MXD1: variants seen among roughly 807,000 people sequenced by gnomAD.
The protein encoded by MXD1 is MAX-binding protein.
A neutral mutation model predicts 25.7 loss-of-function variants in MXD1; 9 were observed. The observed-to-expected ratio is 0.35, with a 90% CI of 0.21 to 0.61. The LOEUF (loss-of-function observed/expected upper bound fraction) is 0.61. Ranked by LOEUF, MXD1 falls within the 20% of genes least tolerant of loss-of-function variation. The pLI is 0.75. For synonymous variants in MXD1, 99 were observed against 113.9 expected (o/e 0.87, Z 0.83); for missense variants, 227 against 292.4 (o/e 0.78, Z 1.63).
At position 69,938,232 on chromosome 2, in the gene MXD1, G is replaced by C. The variant is rs776858613; in HGVS notation, c.614G>C (p.Ser205Thr). The change falls in exon 6 of 6, where the codon AGC (serine) becomes ACC (threonine). Residue 205 changes from serine (S) to threonine (T), a missense_variant. Coordinates refer to ENST00000264444, the MANE Select transcript of MXD1 (RefSeq NM_002357.4). The part of the protein sequence containing the change: ...LGSDEGYSST[S>T]IKRIKLQDSH... ...AGTGATGAGGGCTATTCCAGCACCA[G>C]CATCAAGAGAATAAAGCTGCAGGAC... 1.1e-5 allele frequency: 18 copies of C among 1,614,084 alleles called. No homozygotes were observed. The highest frequency in any genetic ancestry group is 1.5e-5 in the Non-Finnish European group (18 of 1,180,050).
intron 3 of MXD1, among the ~76,000 whole-genome samples, chr2:69,926,951 C>T (rs553954573): frequency 6.6e-6 from 1 of 152,316 alleles, no homozygotes; most frequent in South Asian, 2.1e-4. Flanking sequence ...GGTACATATG[C>T]AGCTCTTGCT....
chr2:69,937,024 G>C (rs1252021649), intron 4 of MXD1: 1 of 690,056 alleles, frequency 1.4e-6, no homozygotes, highest in South Asian at 1.5e-5. Context: ...GACAGGACAA[G>C]TACCCCCAGC....
Position 69,940,227 on chromosome 2 carries a change from C to A in MXD1, c.*1943C>A, listed in dbSNP as rs1239413202. 6.6e-6 allele frequency: 1 copy of A among 150,754 alleles called. No homozygotes were observed. Among genetic ancestry groups the A allele is most frequent in the Admixed American group, 6.6e-5 (1 of 15,102 alleles). The allele number at this position is 150,754 out of a possible 1,614,324, so 9.3% of individuals were successfully genotyped here. A position where few individuals can be genotyped will look rare whatever the true frequency, so the allele number is the denominator to read the frequency against. ...TTGCACTGAAATACAACTTGTATGC[C>A]TTTTGCATTTTTAAAGCCTGCTTCC... On this transcript the variant is annotated 3_prime_UTR_variant, in exon 6 of 6. Transcript: ENST00000264444.
At chr2:69,923,059 A>C (rs1210893642) in intron 3 of MXD1, among the ~76,000 whole-genome samples, 4 of 151,076 alleles carry the variant, frequency 2.6e-5, no homozygotes, top group African/African-American at 4.9e-5. Context: ...AAAAAAACAC[A>C]CAAAACACCC....
At position 69,926,338 on chromosome 2, in the gene MXD1, CT is replaced by C. The variant is rs982138907; in HGVS notation, c.203+4584del. Among the ~76,000 whole-genome samples the C allele has an allele frequency of 6.0e-3, 872 of 146,302 alleles. 7 individuals carry two copies. The highest frequency in any genetic ancestry group is 0.018 in the African/African-American group (717 of 40,196). ...TGCCAATATATACCCTTTCATTCTC[CT>C]TTTTTTTTTTCCATGCCCTTATCTA... On this transcript the variant is annotated intron_variant, in intron 3 of 5. Coordinates refer to ENST00000264444, the MANE Select transcript of MXD1 (RefSeq NM_002357.4).
intron 3 of MXD1, among the ~76,000 whole-genome samples, chr2:69,931,720 C>T (rs1220737099): frequency 6.6e-6 from 1 of 152,150 alleles, no homozygotes; most frequent in East Asian, 1.9e-4. Flanking sequence ...AGTTATGGGC[C>T]ATACTTGATT....
At chr2:69,923,289 A>T (rs1297630600) in intron 3 of MXD1, among the ~76,000 whole-genome samples, 1 of 152,212 alleles carries the variant, frequency 6.6e-6, no homozygotes, top group Non-Finnish European at 1.5e-5. Context: ...GCGGAGAACC[A>T]TTGAACTAGC....
In MXD1 at chr2:69,938,343, A is replaced by G; in HGVS notation, c.*59A>G. ...TCTCCCTGTTGGTTCTGATTAGGTA[A>G]CGTATTGGACCTGCCCACAACTCCC... On this transcript the variant is annotated 3_prime_UTR_variant, in exon 6 of 6. Transcript: ENST00000264444. 5 of 1,559,184 alleles carry G rather than the reference A, an allele frequency of 3.2e-6. No homozygotes were observed. The highest frequency in any genetic ancestry group is 2.3e-5 in the East Asian group (1 of 44,406).
At chr2:69,930,541 G>A (rs1677259175) in intron 3 of MXD1, among the ~76,000 whole-genome samples, 1 of 152,206 alleles carries the variant, frequency 6.6e-6, no homozygotes, top group South Asian at 2.1e-4. Context: ...TTTTGTAAAT[G>A]TAAAGAAATA....
At chr2:69,930,977 A>T (rs920336306) in intron 3 of MXD1, among the ~76,000 whole-genome samples, 6 of 152,218 alleles carry the variant, frequency 3.9e-5, no homozygotes, top group African/African-American at 1.4e-4. Context: ...CCAGGGTCAC[A>T]CAGGGAGTAA....
In MXD1 at chr2:69,939,323, C is replaced by T. The variant is rs1677542765; in HGVS notation, c.*1039C>T. The T allele has an allele frequency of 6.6e-6, 1 of 152,592 alleles. No homozygotes were observed. Among genetic ancestry groups the T allele is most frequent in the African/African-American group, 2.4e-5 (1 of 41,424 alleles). The allele number at this position is 152,592 out of a possible 1,614,324, so 9.5% of individuals were successfully genotyped here. On this transcript the variant is annotated 3_prime_UTR_variant, in exon 6 of 6. Coordinates refer to ENST00000264444, the MANE Select transcript of MXD1 (RefSeq NM_002357.4). ...AGGATGGTACACTGTTACTAGAACTCCTCTCCTTATTGATTATTTTTGGAC... is the reference window on the plus strand; with the variant it reads ...AGGATGGTACACTGTTACTAGAACTTCTCTCCTTATTGATTATTTTTGGAC...
rs1411058536 is a variant in MXD1 at position 69,942,339 on chromosome 2, T to C, written c.*4055T>C. ...AAGATAACTGGGTTAGAGGGTGGGG[T>C]GTGCAATAGGTGATTTATCATGGTT... On this transcript the variant is annotated 3_prime_UTR_variant, in exon 6 of 6. Transcript: ENST00000264444. 4 of 152,058 alleles carry C rather than the reference T, an allele frequency of 2.6e-5. No individual in the cohort carries two copies. Among genetic ancestry groups the C allele is most frequent in the African/African-American group, 9.7e-5 (4 of 41,392 alleles). 9.4% of individuals were successfully genotyped at this position (152,058 alleles called of 1,614,324 possible).
chr2:69,936,578 CTATT>C (rs1343073642), intron 4 of MXD1, among the ~76,000 whole-genome samples: 2 of 152,160 alleles, frequency 1.3e-5, no homozygotes, highest in Non-Finnish European at 2.9e-5. Context: ...GAGAAAACCT[CTATT>C]TAAAGCAAAA....
rs1388614667 is a variant in MXD1 at position 69,941,317 on chromosome 2, C to G, written c.*3033C>G. The G allele has an allele frequency of 6.6e-6, 1 of 152,146 alleles. No homozygotes were observed. The highest frequency in any genetic ancestry group is 1.5e-5 in the Non-Finnish European group (1 of 68,034). 9.4% of individuals were successfully genotyped at this position (152,146 alleles called of 1,614,324 possible). A position where few individuals can be genotyped will look rare whatever the true frequency, so the allele number is the denominator to read the frequency against. On this transcript the variant is annotated 3_prime_UTR_variant, in exon 6 of 6. Transcript: ENST00000264444. ...TCCCCTGTTGGCTTTGAATGGTGGG[C>G]CGAGCACCCAGGTCGTCTGTATTTT...
chr2:69,934,965 A>G (rs1280098367), intron 3 of MXD1, among the ~76,000 whole-genome samples: 2 of 152,228 alleles, frequency 1.3e-5, no homozygotes, highest in African/African-American at 4.8e-5. Flanking sequence ...ATCATAAATA[A>G]AAAACATCCC....
chr2:69,922,981 A>G (rs1449944486), intron 3 of MXD1, among the ~76,000 whole-genome samples: 1 of 151,798 alleles, frequency 6.6e-6, no homozygotes, highest in Non-Finnish European at 1.5e-5. Flanking sequence ...TCTGTAAGCA[A>G]AACCACCTAT....
chr2:69,919,807 A>C (rs1460150573), intron 2 of MXD1, among the ~76,000 whole-genome samples: 1 of 152,194 alleles, frequency 6.6e-6, no homozygotes, highest in Non-Finnish European at 1.5e-5. Flanking sequence ...TGACTGGAGA[A>C]TGCTGAGGGA....
rs371531928 is a variant in MXD1, at chr2:69,929,090, G to T, written c.204-6261G>T. On this transcript the variant is annotated intron_variant, in intron 3 of 5. Coordinates refer to ENST00000264444, the MANE Select transcript of MXD1 (RefSeq NM_002357.4). ...TGTATTGTTAGTAGAGATGGGTTTCGCCATGTTGCCTAGGCTGGTCTCAAA... is the reference window on the plus strand; with the variant it reads ...TGTATTGTTAGTAGAGATGGGTTTCTCCATGTTGCCTAGGCTGGTCTCAAA... 1.1e-3 allele frequency among the ~76,000 whole-genome samples: 166 copies of T among 152,184 alleles called. 1 individual carries two copies. Among genetic ancestry groups the T allele is most frequent in the African/African-American group, 3.8e-3 (159 of 41,518 alleles).
intron 3 of MXD1, among the ~76,000 whole-genome samples, chr2:69,931,310 C>T (rs1677277141): frequency 1.3e-5 from 2 of 152,042 alleles, no homozygotes; most frequent in Admixed American, 1.3e-4. Flanking sequence ...CATTAACCAT[C>T]CCCACCTCCT....
Sources: allele counts gnomAD v4.1 joint callset (sites outside exome capture counted in the v4.1 genomes callset), GRCh38; gene constraint gnomAD v4.1.1; transcripts MANE v1.5; gene names NCBI Gene and HGNC (gene_info 2026-07-23, HGNC 2026-07-21).